The following DNAH12 variants were observed in gnomAD, a reference collection of about 807,000 sequenced individuals.
The protein encoded by DNAH12 is axonemal beta dynein heavy chain 12.
In DNAH12, 285 loss-of-function variants were observed where a neutral mutation model predicts 371.5. The ratio of observed to expected loss-of-function variants is 0.77; its 90% CI spans 0.70 to 0.85. DNAH12 has a LOEUF of 0.85. Among genes scored for constraint, DNAH12 ranks in the 40% least tolerant of loss-of-function variants. DNAH12 has a pLI of 0.00. For synonymous variants in DNAH12, 1,200 were observed against 1,213.0 expected (o/e 0.99, Z 0.22); for missense variants, 3,611 against 3,689.4 (o/e 0.98, Z 0.55).
Position 57,352,120 on chromosome 3 carries a change from C to A in DNAH12, c.9639G>T (p.Leu3213=). The stretch of plus-strand genomic sequence containing the variant: ...TGGCACATAATAAAAAGGAAAATAA[C>A]AGCTTGTCCTTCTCAAATAGTGATC... The part of the protein sequence containing the change: ...ICRSLFEKDK[L]LFSFLLCANL... The change falls in exon 60 of 74, where the codon CTG becomes CTT. Residue 3213 remains leucine, a synonymous_variant. Coordinates refer to ENST00000495027, the MANE Select transcript of DNAH12 (RefSeq NM_001366028.2). The A allele has an allele frequency of 6.5e-7, 1 of 1,529,928 alleles. No homozygotes were observed. Among genetic ancestry groups the A allele is most frequent in the Non-Finnish European group, 8.8e-7 (1 of 1,140,952 alleles). 94.8% of individuals were successfully genotyped at this position (1,529,928 alleles called of 1,614,324 possible).
At chr3:57,402,449 T>C in intron 43 of DNAH12, 5 of 1,304,324 alleles carry the variant, frequency 3.8e-6, no homozygotes, top group Non-Finnish European at 5.1e-6. Flanking sequence ...CTATTAAGAT[T>C]ACTACTAAGA....
At chr3:57,477,893 G>C (rs1358062929) in intron 13 of DNAH12, among the ~76,000 whole-genome samples, 1 of 151,460 alleles carries the variant, frequency 6.6e-6, no homozygotes, top group African/African-American at 2.4e-5. Context: ...CTAACAAACA[G>C]AAAGGACATC....
chr3:57,389,839 T>TATATGTATATATATATATATATAAAA (rs1326237791), intron 45 of DNAH12, among the ~76,000 whole-genome samples: 4 of 84,840 alleles, frequency 4.7e-5, no homozygotes. Context: ...TATATATATA[T>TATATGTATATATATATATATATAAAA]AATACTTTTT....
Position 57,302,088 on chromosome 3 carries a change from G to A in DNAH12, c.11190-149C>T, listed in dbSNP as rs1339918133. The A allele has an allele frequency of 1.1e-5, 8 of 704,248 alleles. No individual in the cohort carries two copies. In the East Asian group the frequency reaches 2.2e-4, roughly 19 times the overall value. The allele number at this position is 704,248 out of a possible 1,614,324, so 43.6% of individuals were successfully genotyped here. ...CCCATGTGGTGGTACGTGAGCTAATGTTAAGTGATACATGTATGAACATTT... is the reference window on the plus strand; with the variant it reads ...CCCATGTGGTGGTACGTGAGCTAATATTAAGTGATACATGTATGAACATTT... On this transcript the variant is annotated intron_variant, in intron 69 of 73. Coordinates refer to ENST00000495027, the MANE Select transcript of DNAH12 (RefSeq NM_001366028.2).
intron 57 of DNAH12, among the ~76,000 whole-genome samples, chr3:57,364,900 C>G (rs1298562824): frequency 6.6e-6 from 1 of 152,184 alleles, no homozygotes; most frequent in Non-Finnish European, 1.5e-5. Flanking sequence ...AAATGTAAAT[C>G]AAAACCACAA....
At chr3:57,352,302 T>C in intron 59 of DNAH12, 77 bp from the exon 60 acceptor site, 1 of 1,385,758 alleles carries the variant, frequency 7.2e-7, no homozygotes, top group Non-Finnish European at 9.7e-7. Context: ...ACATATACAC[T>C]TTTTATTTTA....
rs1412686748 is a variant in DNAH12 at position 57,298,965 on chromosome 3, A to AT, written c.11395-1982_11395-1981insA. ...TTCATATTTATGGAATGAACAGATGAATCAATGAAATGGACTTTGTCTCTG... is the reference window on the plus strand; with the variant it reads ...TTCATATTTATGGAATGAACAGATGATATCAATGAAATGGACTTTGTCTCTG... On this transcript the variant is annotated intron_variant, in intron 70 of 73. Transcript: ENST00000495027. Among the ~76,000 whole-genome samples, 15 of 152,208 alleles carry AT rather than the reference A, an allele frequency of 9.9e-5. 1 individual carries two copies. The highest frequency in any genetic ancestry group is 1.5e-5 in the Non-Finnish European group (1 of 68,026).
chr3:57,511,396 GTATAA>G (rs2067993256), intron 4 of DNAH12, among the ~76,000 whole-genome samples: 1 of 152,076 alleles, frequency 6.6e-6, no homozygotes. Flanking sequence ...TACAATAGTA[GTATAA>G]TATAATTTCA....
intron 4 of DNAH12, among the ~76,000 whole-genome samples, chr3:57,518,463 G>T (rs2018073): frequency 0.88 from 133,759 of 151,852 alleles, 59,446 homozygotes; most frequent in African/African-American, 0.96. Context: ...GAGGTGGAGG[G>T]TGCAGTGAGC....
At chr3:57,428,880 TATC>T in intron 33 of DNAH12, 59 bp from the exon 34 acceptor site, 1 of 1,428,932 alleles carries the variant, frequency 7.0e-7, no homozygotes, top group Non-Finnish European at 9.3e-7. Flanking sequence ...ACCTGGCAAT[TATC>T]AACTATTTCT....
At chr3:57,454,678 T>C (rs1027535258) in intron 23 of DNAH12, 97 bp downstream of exon 23, 13 of 1,472,066 alleles carry the variant, frequency 8.8e-6, no homozygotes, top group Non-Finnish European at 1.2e-5. Flanking sequence ...AAGACTAGCC[T>C]GGGTAGCATA....
At chr3:57,346,505 A>G (rs1423253719) in intron 60 of DNAH12, among the ~76,000 whole-genome samples, 1 of 150,398 alleles carries the variant, frequency 6.6e-6, no homozygotes, top group Non-Finnish European at 1.5e-5. Context: ...AGTTAAAACC[A>G]GAGAAGACAG....
At chr3:57,525,256 T>A (rs1229562762) in intron 2 of DNAH12, among the ~76,000 whole-genome samples, 1 of 152,042 alleles carries the variant, frequency 6.6e-6, no homozygotes, top group East Asian at 1.9e-4. Context: ...ACCATGTCTA[T>A]TTTGCTCACT....
At chr3:57,410,714 G>A (rs1559628081) in intron 39 of DNAH12, among the ~76,000 whole-genome samples, 1 of 152,032 alleles carries the variant, frequency 6.6e-6, no homozygotes, top group Admixed American at 6.6e-5. Context: ...TACTTGGGAG[G>A]CTAGGGCATA....
chr3:57,308,757 C>T (rs1454945901), intron 69 of DNAH12, among the ~76,000 whole-genome samples: 1 of 152,196 alleles, frequency 6.6e-6, no homozygotes, highest in African/African-American at 2.4e-5. Flanking sequence ...CTACGCTGAA[C>T]CTCCTCAGGC....
At chr3:57,300,612 G>C (rs1458878395) in intron 70 of DNAH12, among the ~76,000 whole-genome samples, 2 of 152,024 alleles carry the variant, frequency 1.3e-5, no homozygotes, top group Non-Finnish European at 2.9e-5. Context: ...AAGTCGAATG[G>C]AAACAGCAAG....
intron 59 of DNAH12, among the ~76,000 whole-genome samples, chr3:57,356,644 C>T (rs1010245594): frequency 3.3e-5 from 5 of 151,860 alleles, no homozygotes; most frequent in Admixed American, 6.6e-5. Flanking sequence ...TCCTTCCATG[C>T]CTAAATCTTG....
intron 4 of DNAH12, chr3:57,512,533 T>C (rs1465920521): frequency 6.6e-6 from 1 of 152,158 alleles, no homozygotes; most frequent in Non-Finnish European, 1.5e-5. Flanking sequence ...TGGACACAAA[T>C]TCGTGAAGCA....
intron 39 of DNAH12, among the ~76,000 whole-genome samples, chr3:57,412,753 TTAGAGTGGCCAAAATC>T (rs1211282256): frequency 6.6e-6 from 1 of 152,080 alleles, no homozygotes; most frequent in Non-Finnish European, 1.5e-5. Flanking sequence ...CACACACTCA[TTAGAGTGGCCAAAATC>T]TAGAACACTG....
Sources: gnomAD v4.1 joint callset for allele counts (sites outside exome capture counted in the v4.1 genomes callset) on GRCh38, gnomAD v4.1.1 for gene constraint, MANE v1.5 for transcripts, NCBI Gene and HGNC (gene_info 2026-07-23, HGNC 2026-07-21) for gene names.